APBA1: variants seen among roughly 807,000 people sequenced by gnomAD.
APBA1 encodes amyloid beta precursor protein binding family A member 1, also known as amyloid-beta A4 precursor protein-binding family A member 1.
In APBA1, 55 loss-of-function variants were observed where a neutral mutation model predicts 86.6. The ratio of observed to expected loss-of-function variants is 0.64; its 90% CI spans 0.51 to 0.80. APBA1 has a LOEUF of 0.80. Among genes scored for constraint, APBA1 ranks in the 30% least tolerant of loss-of-function variants. The pLI is 0.00. For synonymous variants in APBA1, 511 were observed against 493.9 expected, an observed-to-expected ratio of 1.03 and a Z score of -0.46; for missense variants, 1,090 against 1,183.0, an observed-to-expected ratio of 0.92 and a Z score of 1.15.
chr9:69,669,072 G>C (rs1230870480), intron 1 of APBA1, among the ~76,000 whole-genome samples: 1 of 152,096 alleles, frequency 6.6e-6, no homozygotes, highest in African/African-American at 2.4e-5. Flanking sequence ...AGCATTCTTT[G>C]AACCTCCAAC....
intron 1 of APBA1, among the ~76,000 whole-genome samples, chr9:69,623,064 T>C (rs1822852805): frequency 6.6e-6 from 1 of 152,176 alleles, no homozygotes; most frequent in South Asian, 2.1e-4. Context: ...AGATCTGACA[T>C]GATCTTTGGC....
chr9:69,505,024 C>T (rs981049186), intron 2 of APBA1, among the ~76,000 whole-genome samples: 10 of 151,978 alleles, frequency 6.6e-5, no homozygotes, highest in South Asian at 2.1e-4. Context: ...GGGCGTCTAC[C>T]GCACACATCC....
At chr9:69,606,686 G>T (rs931794453) in intron 1 of APBA1, among the ~76,000 whole-genome samples, 1 of 151,740 alleles carries the variant, frequency 6.6e-6, no homozygotes, top group Non-Finnish European at 1.5e-5. Flanking sequence ...TAGAGACAGG[G>T]TTTCACCGTG....
intron 1 of APBA1, among the ~76,000 whole-genome samples, chr9:69,550,597 G>A (rs553893966): frequency 4.7e-4 from 72 of 152,294 alleles, no homozygotes; most frequent in African/African-American, 1.7e-3. Context: ...ATATGGCATT[G>A]TGATAAGCAC....
intron 1 of APBA1, among the ~76,000 whole-genome samples, chr9:69,524,338 C>G (rs1377468282): frequency 6.6e-6 from 1 of 151,912 alleles, no homozygotes; most frequent in Non-Finnish European, 1.5e-5. Context: ...AGACTGCTAC[C>G]TAGGTAAACA....
intron 1 of APBA1, among the ~76,000 whole-genome samples, chr9:69,570,659 T>C (rs1837100530): frequency 1.3e-5 from 2 of 152,288 alleles, no homozygotes; most frequent in African/African-American, 4.8e-5. Context: ...TGGAGACACT[T>C]TGAGAGAATA....
At chr9:69,606,649 G>T (rs1300278257) in intron 1 of APBA1, among the ~76,000 whole-genome samples, 1 of 151,604 alleles carries the variant, frequency 6.6e-6, no homozygotes, top group South Asian at 2.1e-4. Flanking sequence ...CCACCACCAC[G>T]CCCGGCTAAT....
At chr9:69,589,153 A>G (rs1192216226) in intron 1 of APBA1, among the ~76,000 whole-genome samples, 1 of 151,946 alleles carries the variant, frequency 6.6e-6, no homozygotes, top group Non-Finnish European at 1.5e-5. Context: ...ATGGGGTTTT[A>G]CCATGTTGCC....
intron 2 of APBA1, among the ~76,000 whole-genome samples, chr9:69,515,444 C>T (rs965914101): frequency 2.0e-5 from 3 of 152,064 alleles, no homozygotes; most frequent in African/African-American, 7.2e-5. Context: ...ATTCTTTCTA[C>T]TTGGCTACTC....
chr9:69,584,053 T>C (rs910324323), intron 1 of APBA1, among the ~76,000 whole-genome samples: 4 of 152,258 alleles, frequency 2.6e-5, no homozygotes, highest in African/African-American at 9.6e-5. Context: ...TAGTAATCTC[T>C]CCAGCTGTGA....
At chr9:69,497,726 C>T (rs1230497661) in intron 2 of APBA1, among the ~76,000 whole-genome samples, 1 of 152,106 alleles carries the variant, frequency 6.6e-6, no homozygotes, top group East Asian at 1.9e-4. Context: ...TGCCCTAGTC[C>T]CAGCTTTTTC....
At chr9:69,504,656 T>G (rs1450381406) in intron 2 of APBA1, among the ~76,000 whole-genome samples, 1 of 152,050 alleles carries the variant, frequency 6.6e-6, no homozygotes, top group Non-Finnish European at 1.5e-5. Flanking sequence ...ACTCATCTGT[T>G]GGGGACTAGG....
At chr9:69,514,483 G>A (rs1836101364) in intron 2 of APBA1, among the ~76,000 whole-genome samples, 1 of 152,176 alleles carries the variant, frequency 6.6e-6, no homozygotes, top group Non-Finnish European at 1.5e-5. Flanking sequence ...CAGCTACTCA[G>A]GAGACTGAGG....
chr9:69,564,284 T>C (rs1020854692), intron 1 of APBA1, among the ~76,000 whole-genome samples: 1 of 152,128 alleles, frequency 6.6e-6, no homozygotes, highest in Non-Finnish European at 1.5e-5. Context: ...CAAATGACAA[T>C]CTCCTTTCAA....
At chr9:69,583,735 T>C (rs546421744) in intron 1 of APBA1, among the ~76,000 whole-genome samples, 3 of 152,358 alleles carry the variant, frequency 2.0e-5, no homozygotes, top group South Asian at 2.1e-4. Flanking sequence ...GCAGTTTTCA[T>C]GGCTGACCTC....
At chr9:69,434,957 C>A (rs1313907216) in intron 11 of APBA1, among the ~76,000 whole-genome samples, 3 of 119,836 alleles carry the variant, frequency 2.5e-5, no homozygotes, top group Non-Finnish European at 5.0e-5. Flanking sequence ...CCCCCCACCC[C>A]ACAACAGTCC....
rs560290973 is a variant in APBA1 at position 69,429,983 on chromosome 9, C to T, written c.*1344G>A. The T allele has an allele frequency of 9.9e-5, 15 of 152,172 alleles. No homozygotes were observed. In the South Asian group the frequency reaches 1.9e-3, roughly 19 times the overall value. 9.4% of individuals were successfully genotyped at this position (152,172 alleles called of 1,614,324 possible). On this transcript the variant is annotated 3_prime_UTR_variant, in exon 13 of 13. Transcript: ENST00000265381. The stretch of plus-strand genomic sequence containing the variant: ...CTAAAACATCTACACTGAACTGAGA[C>T]GGAAGCATAAATATGAGGCACCTGA...
chr9:69,621,930 T>G (rs1184938030), intron 1 of APBA1, among the ~76,000 whole-genome samples: 2 of 152,200 alleles, frequency 1.3e-5, no homozygotes, highest in African/African-American at 4.8e-5. Flanking sequence ...AACCATGTTC[T>G]CCCGTCCCAG....
At chr9:69,451,031 A>C (rs1834999217) in intron 9 of APBA1, among the ~76,000 whole-genome samples, 1 of 152,200 alleles carries the variant, frequency 6.6e-6, no homozygotes, top group Non-Finnish European at 1.5e-5. Flanking sequence ...TGTGTTGTTG[A>C]AGTCACCCAG....
Sources: allele counts gnomAD v4.1 joint callset (sites outside exome capture counted in the v4.1 genomes callset), GRCh38; gene constraint gnomAD v4.1.1; transcripts MANE v1.5; gene names NCBI Gene and HGNC (gene_info 2026-07-23, HGNC 2026-07-21).